The following OSMR variants were observed in gnomAD, a reference collection of about 807,000 sequenced individuals.
The protein encoded by OSMR is oncostatin-M-specific receptor subunit beta.
OSMR carries 81 observed loss-of-function variants against 99.9 expected under a neutral mutation model. That is an observed-to-expected ratio of 0.81 (90% CI 0.68 to 0.97). The LOEUF (loss-of-function observed/expected upper bound fraction) is 0.97. Among genes scored for constraint, OSMR ranks in the 50% least tolerant of loss-of-function variants. The pLI, the probability that OSMR is intolerant of heterozygous loss-of-function variation, is 0.00. For synonymous variants in OSMR, 406 were observed against 410.4 expected (o/e 0.99, Z 0.13); for missense variants, 1,099 against 1,153.4 (o/e 0.95, Z 0.68).
chr5:38,931,265 CA>C (rs552072938), intron 15 of OSMR, among the ~76,000 whole-genome samples: 274 of 152,246 alleles, frequency 1.8e-3, no homozygotes, highest in African/African-American at 5.1e-3. Context: ...CATACAAGAA[CA>C]AATCTATCTT....
chr5:38,923,739 G>T (rs1380153340), intron 13 of OSMR, among the ~76,000 whole-genome samples: 1 of 152,136 alleles, frequency 6.6e-6, no homozygotes, highest in Admixed American at 6.5e-5. Context: ...CTTTAGCTGG[G>T]TGCTTGATTG....
At chr5:38,885,868 G>C (rs1743700057) in intron 6 of OSMR, 171 bp from the exon 7 acceptor site, 2 of 985,070 alleles carry the variant, frequency 2.0e-6, no homozygotes, top group African/African-American at 3.5e-5. Context: ...TGTCAAATTT[G>C]TAGAAACAAT....
rs61559728 is a variant in OSMR at position 38,852,718 on chromosome 5, A to ATTTTTTTTTTTTTTTTTTTTTTTT, written c.-14+6338_-14+6361dup. ...GATACATATTGAAACTATTGTTTTC[A>ATTTTTTTTTTTTTTTTTTTTTTTT]TTTTTTTTTTTTTTTTTTTTTTTTT... On this transcript the variant is annotated intron_variant, in intron 1 of 17. Coordinates refer to ENST00000274276, the MANE Select transcript of OSMR (RefSeq NM_003999.3). 4.2e-5 allele frequency among the ~76,000 whole-genome samples: 3 copies of ATTTTTTTTTTTTTTTTTTTTTTTT among 70,660 alleles called. 1 individual carries two copies. The highest frequency in any genetic ancestry group is 1.1e-4 in the African/African-American group (2 of 18,656). 46.4% of individuals were successfully genotyped at this position (70,660 alleles called of 152,430 possible). A position where few individuals can be genotyped will look rare whatever the true frequency, so the allele number is the denominator to read the frequency against.
At chr5:38,874,948 C>A (rs889943672) in intron 2 of OSMR, among the ~76,000 whole-genome samples, 3 of 152,150 alleles carry the variant, frequency 2.0e-5, no homozygotes, top group South Asian at 4.1e-4. Context: ...ATTTTTACTT[C>A]CCTAAGAGAA....
intron 16 of OSMR, among the ~76,000 whole-genome samples, chr5:38,932,213 C>G (rs1413074130): frequency 6.6e-6 from 1 of 152,178 alleles, no homozygotes; most frequent in Non-Finnish European, 1.5e-5. Context: ...ATATTTATAT[C>G]TCTCTTACTG....
intron 15 of OSMR, among the ~76,000 whole-genome samples, chr5:38,930,072 A>G (rs1385360987): frequency 1.3e-5 from 2 of 152,040 alleles, no homozygotes; most frequent in South Asian, 2.1e-4. Flanking sequence ...CCCCTTTAAC[A>G]TTATCTTTGG....
chr5:38,896,897 A>G (rs1004204680), intron 7 of OSMR, among the ~76,000 whole-genome samples: 1 of 152,004 alleles, frequency 6.6e-6, no homozygotes, highest in Admixed American at 6.6e-5. Flanking sequence ...TTTAGCATCA[A>G]TTGAAATGAT....
intron 1 of OSMR, among the ~76,000 whole-genome samples, chr5:38,849,385 TTC>T (rs987066863): frequency 2.0e-5 from 3 of 152,208 alleles, no homozygotes; most frequent in Admixed American, 6.5e-5. Context: ...TCATTTGAAA[TTC>T]TGTTTTTATC....
chr5:38,865,158 ATTGT>A (rs1345028563), intron 1 of OSMR, among the ~76,000 whole-genome samples: 1 of 152,080 alleles, frequency 6.6e-6, no homozygotes, highest in East Asian at 1.9e-4. Flanking sequence ...ATTTCTTTGA[ATTGT>A]TTATGTTCTA....
chr5:38,885,115 C>A (rs979220755), intron 5 of OSMR: 4 of 855,630 alleles, frequency 4.7e-6, no homozygotes, highest in Non-Finnish European at 5.6e-6. Flanking sequence ...ATAACATGGA[C>A]CATCCATGCC....
chr5:38,906,141 G>T (rs981903240), intron 9 of OSMR, among the ~76,000 whole-genome samples: 1 of 149,670 alleles, frequency 6.7e-6, no homozygotes, highest in Admixed American at 6.7e-5. Context: ...TTTTAGAAAA[G>T]AATTTTTATT....
intron 9 of OSMR, among the ~76,000 whole-genome samples, chr5:38,913,208 A>G (rs1404245271): frequency 6.6e-6 from 1 of 152,124 alleles, no homozygotes; most frequent in Non-Finnish European, 1.5e-5. Flanking sequence ...AGCATCTATA[A>G]GGAACTTAAA....
intron 15 of OSMR, among the ~76,000 whole-genome samples, chr5:38,931,316 G>A (rs964166852): frequency 3.3e-5 from 5 of 152,202 alleles, no homozygotes; most frequent in African/African-American, 4.8e-5. Flanking sequence ...AGACTTGGCT[G>A]ATCTAGACTG....
At chr5:38,885,717 T>C (rs1024758644) in intron 6 of OSMR, among the ~76,000 whole-genome samples, 1 of 152,254 alleles carries the variant, frequency 6.6e-6, no homozygotes, top group African/African-American at 2.4e-5. Context: ...AGTTAATGTA[T>C]ACCTTGACGT....
rs1465102686 is a variant in OSMR, at chr5:38,921,715, T to A, written c.1686T>A (p.Cys562Ter). 6.2e-7 allele frequency: 1 copy of A among 1,614,174 alleles called. No individual in the cohort carries two copies. The highest frequency in any genetic ancestry group is 1.1e-5 in the South Asian group (1 of 91,078). ...GDVIGYVVDWCDHTQDVLGDF... is the reference protein window; with the variant it reads ...GDVIGYVVDW Reference sequence around the variant, plus strand: ...TTATAGGCTATGTTGTGGACTGGTGTGACCATACCCAGGATGTGCTCGGTG... The same window carrying A: ...TTATAGGCTATGTTGTGGACTGGTGAGACCATACCCAGGATGTGCTCGGTG... The change falls in exon 12 of 18, where the codon TGT (cysteine) becomes TGA (stop). Residue 562 changes from cysteine to a stop codon, truncating the protein, a stop_gained. Transcript: ENST00000274276. LOFTEE classifies it high-confidence loss of function.
intron 1 of OSMR, among the ~76,000 whole-genome samples, chr5:38,862,056 G>A (rs1334468218): frequency 9.0e-6 from 1 of 111,622 alleles, no homozygotes; most frequent in South Asian, 3.4e-4. Flanking sequence ...CCGGGCAGAG[G>A]CGCCCCTCAC....
At chr5:38,867,447 T>C (rs1742037677) in intron 1 of OSMR, among the ~76,000 whole-genome samples, 1 of 152,240 alleles carries the variant, frequency 6.6e-6, no homozygotes. Flanking sequence ...TCCAGGTGGC[T>C]GGACAGAGGC....
chr5:38,912,588 A>G (rs1224141862), intron 9 of OSMR, among the ~76,000 whole-genome samples: 1 of 152,200 alleles, frequency 6.6e-6, no homozygotes, highest in Non-Finnish European at 1.5e-5. Flanking sequence ...AAAAATTGAT[A>G]TGGAAACAAA....
rs35117676 is a variant in OSMR at position 38,903,980 on chromosome 5, T to C, written c.1090T>C (p.Tyr364His). ...KVHSIRNNFTYLCQIELHGEG... is the reference protein window; with the variant it reads ...KVHSIRNNFTHLCQIELHGEG... Reference sequence around the variant, plus strand: ...GCACTCCATAAGGAATAATTTCACATATTTGTGTCAGATTGAACTCCATGG... The same window carrying C: ...GCACTCCATAAGGAATAATTTCACACATTTGTGTCAGATTGAACTCCATGG... The change falls in exon 8 of 18, where the codon TAT becomes CAT. Residue 364 changes from tyrosine (Y) to histidine (H), a missense_variant. Coordinates refer to ENST00000274276, the MANE Select transcript of OSMR (RefSeq NM_003999.3). The C allele has an allele frequency of 0.012, 19,651 of 1,614,040 alleles. 150 individuals are homozygous for C. The highest frequency in any genetic ancestry group is 0.015 in the Non-Finnish European group (17,302 of 1,179,942).
Sources: allele counts gnomAD v4.1 joint callset (sites outside exome capture counted in the v4.1 genomes callset), GRCh38; gene constraint gnomAD v4.1.1; transcripts MANE v1.5; gene names NCBI Gene and HGNC (gene_info 2026-07-23, HGNC 2026-07-21).